The following SGCZ variants were observed in gnomAD, a reference collection of about 807,000 sequenced individuals.
SGCZ encodes the protein zeta-sarcoglycan.
In SGCZ, 40 loss-of-function variants were observed where a neutral mutation model predicts 41.3. The ratio of observed to expected loss-of-function variants is 0.97; its 90% confidence interval spans 0.75 to 1.26. The LOEUF (loss-of-function observed/expected upper bound fraction) is 1.26. Among genes scored for constraint, SGCZ ranks in the 50% most tolerant of loss-of-function variants. The pLI, the probability that SGCZ is intolerant of heterozygous loss-of-function variation, is 0.00. For missense variants in SGCZ, 552 were observed against 369.8 expected (o/e 1.49, Z -4.04); for synonymous variants, 206 against 137.5 (o/e 1.50, Z -3.49).
intron 1 of SGCZ, among the ~76,000 whole-genome samples, chr8:15,086,010 T>G (rs1049176432): frequency 3.9e-5 from 6 of 152,250 alleles, no homozygotes; most frequent in African/African-American, 1.4e-4. Context: ...CCGTGTTATT[T>G]TTAATTAATA....
chr8:14,437,071 T>C (rs1800114344), intron 2 of SGCZ, among the ~76,000 whole-genome samples: 1 of 152,180 alleles, frequency 6.6e-6, no homozygotes, highest in African/African-American at 2.4e-5. Context: ...AGACTTTTGG[T>C]GATATTAGCA....
At chr8:14,977,059 G>A (rs993865670) in intron 1 of SGCZ, among the ~76,000 whole-genome samples, 1 of 152,222 alleles carries the variant, frequency 6.6e-6, no homozygotes, top group African/African-American at 2.4e-5. Flanking sequence ...TGCCCACAAA[G>A]AAGTTTACTT....
intron 1 of SGCZ, among the ~76,000 whole-genome samples, chr8:14,603,909 G>A (rs1418787831): frequency 2.6e-5 from 4 of 151,874 alleles, no homozygotes; most frequent in Non-Finnish European, 5.9e-5. Flanking sequence ...ATTTAGTTAT[G>A]CTTGACCCGC....
intron 1 of SGCZ, among the ~76,000 whole-genome samples, chr8:15,210,072 T>C (rs1362684659): frequency 6.6e-6 from 1 of 152,172 alleles, no homozygotes; most frequent in Non-Finnish European, 1.5e-5. Context: ...ATAATGCTTC[T>C]TACCCATTAT....
intron 1 of SGCZ, among the ~76,000 whole-genome samples, chr8:14,911,691 A>G (rs190229096): frequency 7.9e-5 from 12 of 152,130 alleles, no homozygotes; most frequent in Admixed American, 7.2e-4. Context: ...CTTGAAATGT[A>G]CACACCTAGG....
intron 1 of SGCZ, among the ~76,000 whole-genome samples, chr8:15,068,247 T>C (rs1451962660): frequency 2.0e-5 from 3 of 152,240 alleles, no homozygotes; most frequent in Non-Finnish European, 4.4e-5. Context: ...GTGATACTCA[T>C]CCTTTGTTTC....
intron 1 of SGCZ, among the ~76,000 whole-genome samples, chr8:14,914,488 A>G (rs914498633): frequency 3.9e-5 from 6 of 151,984 alleles, no homozygotes; most frequent in Admixed American, 1.3e-4. Context: ...ACAAAGAAAT[A>G]CTATTTGGCA....
At chr8:14,826,503 C>T (rs976162524) in intron 1 of SGCZ, among the ~76,000 whole-genome samples, 6 of 152,114 alleles carry the variant, frequency 3.9e-5, no homozygotes, top group African/African-American at 9.7e-5. Flanking sequence ...CCTGAGGAAT[C>T]GCCACACTGA....
chr8:14,378,812 G>A (rs1461234323), intron 2 of SGCZ, among the ~76,000 whole-genome samples: 1 of 152,104 alleles, frequency 6.6e-6, no homozygotes. Flanking sequence ...CCCAGAATTG[G>A]TTGATGTGGG....
intron 1 of SGCZ, among the ~76,000 whole-genome samples, chr8:14,935,208 GATGTTATCTTAAAT>G (rs1354619391): frequency 6.6e-6 from 1 of 151,592 alleles, no homozygotes; most frequent in Non-Finnish European, 1.5e-5. Flanking sequence ...TTATAAAGTA[GATGTTATCTTAAAT>G]CCATACTTTT....
At chr8:14,280,353 G>C (rs569505328) in intron 3 of SGCZ, among the ~76,000 whole-genome samples, 1 of 151,784 alleles carries the variant, frequency 6.6e-6, no homozygotes, top group Admixed American at 6.6e-5. Flanking sequence ...GAGTAAGAGA[G>C]AATCAGAATG....
chr8:14,258,108 T>A (rs1191445946), intron 3 of SGCZ, among the ~76,000 whole-genome samples: 1 of 152,166 alleles, frequency 6.6e-6, no homozygotes. Context: ...AAAAGAAGTG[T>A]CATTAATTAT....
chr8:14,479,200 C>T (rs897719489), intron 2 of SGCZ, among the ~76,000 whole-genome samples: 16 of 152,212 alleles, frequency 1.1e-4, no homozygotes, highest in African/African-American at 3.9e-4. Flanking sequence ...ACAGCGCAGC[C>T]TTCAGTCTGT....
At chr8:14,463,041 G>C (rs1800947317) in intron 2 of SGCZ, among the ~76,000 whole-genome samples, 1 of 151,422 alleles carries the variant, frequency 6.6e-6, no homozygotes, top group Non-Finnish European at 1.5e-5. Flanking sequence ...CTAATATTCT[G>C]CTACTTTGCT....
rs560769027 is a variant in SGCZ at position 15,057,815 on chromosome 8, T to TA, written c.39+179769dup. Among the ~76,000 whole-genome samples the TA allele has an allele frequency of 1.6e-4, 25 of 152,294 alleles. No individual in the cohort carries two copies. In the South Asian group the frequency reaches 4.1e-3, roughly 25 times the overall value. ...TGATTACAAATGTCCTTTCCAGCCCTAAAACGTTATGAATTTATATCCTTT... is the reference window on the plus strand; with the variant it reads ...TGATTACAAATGTCCTTTCCAGCCCTAAAAACGTTATGAATTTATATCCTTT... On this transcript the variant is annotated intron_variant, in intron 1 of 7. Transcript: ENST00000382080.
At chr8:14,863,642 T>C (rs1364707257) in intron 1 of SGCZ, among the ~76,000 whole-genome samples, 1 of 152,170 alleles carries the variant, frequency 6.6e-6, no homozygotes, top group Non-Finnish European at 1.5e-5. Context: ...TTAAAAAATA[T>C]TTTGTTCTGT....
intron 1 of SGCZ, among the ~76,000 whole-genome samples, chr8:14,665,685 C>T (rs1244174675): frequency 6.6e-6 from 1 of 151,918 alleles, no homozygotes; most frequent in Admixed American, 6.6e-5. Flanking sequence ...CTTTTCATAC[C>T]CCATTCATCA....
intron 1 of SGCZ, among the ~76,000 whole-genome samples, chr8:14,835,199 T>C (rs1056891622): frequency 6.6e-5 from 10 of 152,186 alleles, no homozygotes; most frequent in African/African-American, 1.4e-4. Flanking sequence ...GTAGGAAAGA[T>C]GGTTAGCCCC....
chr8:14,371,881 T>C (rs1260586142), intron 2 of SGCZ, among the ~76,000 whole-genome samples: 2 of 152,138 alleles, frequency 1.3e-5, no homozygotes, highest in Non-Finnish European at 2.9e-5. Context: ...ATAATCTTTA[T>C]ATGCCTTGAG....
Sources: allele counts gnomAD v4.1 joint callset (sites outside exome capture counted in the v4.1 genomes callset), GRCh38; gene constraint gnomAD v4.1.1; transcripts MANE v1.5; gene names NCBI Gene and HGNC (gene_info 2026-07-23, HGNC 2026-07-21).